Variants in PLB1 observed in about 807,000 individuals in gnomAD.
PLB1 encodes phospholipase B1, membrane-associated.
Under a neutral mutation model 227.4 loss-of-function variants are expected in PLB1, and 242 were observed. The observed-to-expected ratio is 1.06, with a 90% CI of 0.96 to 1.18. The LOEUF is 1.18. Ranked by LOEUF, PLB1 falls within the 50% of genes most tolerant of loss-of-function variation. PLB1 has a pLI of 0.00. For synonymous variants in PLB1, 757 were observed against 682.2 expected (o/e 1.11, Z -1.71); for missense variants, 1,858 against 1,816.3 (o/e 1.02, Z -0.42).
chr2:28,582,254 C>A, intron 24 of PLB1, 121 bp downstream of exon 24: 2 of 1,267,262 alleles, frequency 1.6e-6, no homozygotes, highest in Non-Finnish European at 2.3e-6. Flanking sequence ...AGCCCAAATG[C>A]ATAGAGGGGG....
At chr2:28,600,158 C>T (rs1409205962) in intron 35 of PLB1, among the ~76,000 whole-genome samples, 3 of 152,170 alleles carry the variant, frequency 2.0e-5, no homozygotes, top group Non-Finnish European at 4.4e-5. Flanking sequence ...AATCCACCCA[C>T]CTCAGCCTCC....
chr2:28,540,003 C>T (rs1307606659), intron 11 of PLB1, among the ~76,000 whole-genome samples: 13 of 146,238 alleles, frequency 8.9e-5, no homozygotes, highest in Non-Finnish European at 1.8e-4. Flanking sequence ...GGAGAGCTTC[C>T]CTCCATCCCA....
intron 17 of PLB1, 80 bp from the exon 18 acceptor site, chr2:28,562,961 T>C (rs1676294641): frequency 1.5e-6 from 2 of 1,318,338 alleles, no homozygotes; most frequent in Admixed American, 1.7e-5. Flanking sequence ...TCCTGGAAGT[T>C]GTTCCTTTGT....
At chr2:28,559,019 G>A (rs772455424) in intron 17 of PLB1, among the ~76,000 whole-genome samples, 18 of 152,048 alleles carry the variant, frequency 1.2e-4, no homozygotes, top group Non-Finnish European at 1.9e-4. Context: ...GCCATCACAC[G>A]CAGCCAAATA....
chr2:28,577,364 A>G (rs1452314982), intron 21 of PLB1, among the ~76,000 whole-genome samples: 2 of 152,214 alleles, frequency 1.3e-5, no homozygotes, highest in Non-Finnish European at 2.9e-5. Flanking sequence ...TGTCCAACCC[A>G]GGTGCATTTT....
chr2:28,545,724 AC>A (rs959083993), intron 14 of PLB1, among the ~76,000 whole-genome samples: 1 of 152,156 alleles, frequency 6.6e-6, no homozygotes, highest in African/African-American at 2.4e-5. Context: ...AGTCTCTGCC[AC>A]CACATCTGTG....
chr2:28,640,835 C>T (rs768937143), intron 56 of PLB1, 92 bp from the exon 57 acceptor site: 18 of 1,335,648 alleles, frequency 1.3e-5, no homozygotes, highest in South Asian at 3.9e-5. Flanking sequence ...ACCCCGTTCC[C>T]GAGGGAGGGG....
intron 14 of PLB1, among the ~76,000 whole-genome samples, chr2:28,543,642 G>T (rs1250325901): frequency 3.3e-5 from 5 of 152,226 alleles, no homozygotes; most frequent in Admixed American, 3.3e-4. Context: ...GTGTTGTGCG[G>T]TTGTCAAGGC....
rs750135103 is a variant in PLB1, at chr2:28,630,581, C to G, written c.3819-5C>G. The G allele has an allele frequency of 1.2e-6, 2 of 1,613,116 alleles. No individual in the cohort carries two copies. The highest frequency in any genetic ancestry group is 2.7e-5 in the African/African-American group (2 of 74,900). On this transcript the variant is annotated splice_polypyrimidine_tract_variant and splice_region_variant and intron_variant, in intron 53 of 57. Coordinates refer to ENST00000327757, the MANE Select transcript of PLB1 (RefSeq NM_153021.5). ...AGCCTCAATACAACACTCCCTGTCT[C>G]ACAGGAACAACTGCACTTGCCTCAG... is the stretch of plus-strand genomic sequence containing the variant.
chr2:28,546,159 G>T (rs1673231376), intron 14 of PLB1, among the ~76,000 whole-genome samples: 1 of 152,202 alleles, frequency 6.6e-6, no homozygotes, highest in Non-Finnish European at 1.5e-5. Context: ...TGCACTCCTG[G>T]TGCCAAGCCG....
At chr2:28,527,986 A>G (rs909427229) in intron 6 of PLB1, among the ~76,000 whole-genome samples, 1 of 152,144 alleles carries the variant, frequency 6.6e-6, no homozygotes, top group African/African-American at 2.4e-5. Context: ...CCAGCTCAGA[A>G]CTTTCCCCGC....
intron 20 of PLB1, among the ~76,000 whole-genome samples, chr2:28,570,382 A>G (rs1160489560): frequency 6.6e-6 from 1 of 152,236 alleles, no homozygotes; most frequent in Admixed American, 6.5e-5. Flanking sequence ...AAAATCAATT[A>G]ATGTAATATT....
intron 14 of PLB1, chr2:28,548,605 C>G: frequency 1.8e-6 from 1 of 543,830 alleles, no homozygotes; most frequent in Non-Finnish European, 3.6e-6. Flanking sequence ...ATATATAAAA[C>G]CGATGCTGCT....
chr2:28,572,598 T>C (rs1230219821), intron 20 of PLB1, among the ~76,000 whole-genome samples: 1 of 152,218 alleles, frequency 6.6e-6, no homozygotes, highest in African/African-American at 2.4e-5. Context: ...AGTTGCATGC[T>C]ACAACATGGG....
At position 28,598,017 on chromosome 2, in the gene PLB1, C is replaced by T. The variant is rs138300319; in HGVS notation, c.2334C>T (p.Asp778=). 1.1e-4 allele frequency: 181 copies of T among 1,612,898 alleles called. 1 individual carries two copies. The highest frequency in any genetic ancestry group is 3.3e-4 in the Middle Eastern group (2 of 6,082). The change falls in exon 34 of 58, where the codon GAC becomes GAT. Residue 778 remains aspartate (D), a synonymous_variant. Transcript: ENST00000327757. Reference sequence around the variant, plus strand: ...TCACTCCCTACAGTGCAGGAGGGGACGGCTCCCTGGAGAATGTGACCACCT... The same window carrying T: ...TCACTCCCTACAGTGCAGGAGGGGATGGCTCCCTGGAGAATGTGACCACCT... ...YRGLSYSAGG[D]GSLENVTTLP... is the part of the protein sequence containing the mutation.
At chr2:28,500,284 A>G (rs987898554) in intron 1 of PLB1, among the ~76,000 whole-genome samples, 2 of 152,150 alleles carry the variant, frequency 1.3e-5, no homozygotes, top group East Asian at 1.9e-4. Context: ...GTTTTTGTGT[A>G]TGAACAACAA....
At chr2:28,619,195 A>G (rs911947962) in intron 46 of PLB1, among the ~76,000 whole-genome samples, 1 of 151,990 alleles carries the variant, frequency 6.6e-6, no homozygotes, top group Admixed American at 6.6e-5. Flanking sequence ...CTCCCTCCTC[A>G]CACCCTCCAC....
At chr2:28,583,213 TCTCG>T (rs1314797081) in intron 25 of PLB1, among the ~76,000 whole-genome samples, 2 of 150,400 alleles carry the variant, frequency 1.3e-5, no homozygotes, top group African/African-American at 4.9e-5. Context: ...TGAGACAGGG[TCTCG>T]CTCTGTTGCC....
chr2:28,620,967 G>A lies in PLB1; in HGVS notation c.3516G>A (p.Gly1172=), dbSNP rs766628997. The change falls in exon 49 of 58, where the codon GGG becomes GGA. Residue 1172 remains glycine (G), a synonymous_variant. Coordinates refer to ENST00000327757, the MANE Select transcript of PLB1 (RefSeq NM_153021.5). ...GTAGLNVAAE[G]ARARDMPAQA... is the part of the protein sequence containing the mutation. ...CAGGACTAAATGTGGCAGCGGAAGGGGCCAGAGCTAGGTGAGTAGATGCCG... is the reference window on the plus strand; with the variant it reads ...CAGGACTAAATGTGGCAGCGGAAGGAGCCAGAGCTAGGTGAGTAGATGCCG... The A allele has an allele frequency of 1.2e-6, 2 of 1,611,998 alleles. No individual in the cohort carries two copies. Among genetic ancestry groups the A allele is most frequent in the East Asian group, 4.5e-5 (2 of 44,868 alleles).
Sources: allele counts gnomAD v4.1 joint callset (sites outside exome capture counted in the v4.1 genomes callset), GRCh38; gene constraint gnomAD v4.1.1; transcripts MANE v1.5; gene names NCBI Gene and HGNC (gene_info 2026-07-23, HGNC 2026-07-21).